MYO1E: variants seen among roughly 807,000 people sequenced by gnomAD.
MYO1E encodes myosin IE, also known as unconventional myosin-Ie.
MYO1E carries 68 observed loss-of-function variants against 151.1 expected under a neutral mutation model. That is an observed-to-expected ratio of 0.45 (90% CI 0.37 to 0.55). MYO1E has a LOEUF of 0.55. Among genes scored for constraint, MYO1E ranks in the 20% least tolerant of loss-of-function variants. The pLI, the probability that MYO1E is intolerant of heterozygous loss-of-function variation, is 0.00. For synonymous variants in MYO1E, 601 were observed against 501.7 expected, an observed-to-expected ratio of 1.20 and a Z score of -2.64; for missense variants, 1,363 against 1,389.3, an observed-to-expected ratio of 0.98 and a Z score of 0.30.
chr15:59,270,278 G>A (rs537220408), intron 2 of MYO1E, among the ~76,000 whole-genome samples: 9 of 152,168 alleles, frequency 5.9e-5, no homozygotes, highest in African/African-American at 1.9e-4. Flanking sequence ...ATTGCCAGGC[G>A]CAGTGGCTCA....
intron 26 of MYO1E, among the ~76,000 whole-genome samples, chr15:59,141,020 T>C (rs1235347166): frequency 2.6e-5 from 4 of 152,206 alleles, no homozygotes; most frequent in Non-Finnish European, 5.9e-5. Context: ...TCTCTGAAAG[T>C]TGGCCAGGCG....
At position 59,224,818 on chromosome 15, in the gene MYO1E, G is replaced by A. The variant is rs76374896; in HGVS notation, c.648C>T (p.Ile216=). The A allele has an allele frequency of 1.1e-4, 181 of 1,614,178 alleles. No individual in the cohort carries two copies. In the East Asian group the frequency reaches 3.9e-3, roughly 35 times the overall value. The change falls in exon 8 of 28, where the codon ATC becomes ATT. Residue 216 remains isoleucine (I), a synonymous_variant. Coordinates refer to ENST00000288235, the MANE Select transcript of MYO1E (RefSeq NM_004998.4). ...GTTTCTGCTCTGCAGAGGCGCCCTC[G>A]ATGAGCTGGAGCAAGAGAACACAGG... ...ERSFHIFYQL[I]EGASAEQKHS...
intron 4 of MYO1E, among the ~76,000 whole-genome samples, chr15:59,238,608 G>C (rs1177996085): frequency 2.6e-5 from 4 of 152,124 alleles, no homozygotes; most frequent in Non-Finnish European, 5.9e-5. Flanking sequence ...GTCTCACTTT[G>C]TCACCCAGGC....
Position 59,342,970 on chromosome 15 carries a change from A to G in MYO1E, c.3+29528T>C, listed in dbSNP as rs374762586. On this transcript the variant is annotated intron_variant, in intron 1 of 27. Coordinates refer to ENST00000288235, the MANE Select transcript of MYO1E (RefSeq NM_004998.4). ...TTCTATTTATCTTACTGTACTGTCTATGCCTTGAAAAGTTATTATTTTTTA... is the reference window on the plus strand; with the variant it reads ...TTCTATTTATCTTACTGTACTGTCTGTGCCTTGAAAAGTTATTATTTTTTA... 9.2e-5 allele frequency among the ~76,000 whole-genome samples: 14 copies of G among 152,250 alleles called. No homozygotes were observed. In the East Asian group the frequency reaches 1.5e-3, roughly 17 times the overall value.
At chr15:59,362,904 T>C (rs1415124943) in intron 1 of MYO1E, among the ~76,000 whole-genome samples, 1 of 152,232 alleles carries the variant, frequency 6.6e-6, no homozygotes, top group Non-Finnish European at 1.5e-5. Flanking sequence ...AAATCTCTGT[T>C]GTTCTCACAT....
rs1230023763 is a variant in MYO1E at position 59,332,965 on chromosome 15, A to C, written c.3+39533T>G. On this transcript the variant is annotated intron_variant, in intron 1 of 27. Coordinates refer to ENST00000288235, the MANE Select transcript of MYO1E (RefSeq NM_004998.4). ...GTGTAGACAAACCTAACAGCTCTCC[A>C]TCTTAAAAAAGGAGTGAGGAATTGA... Among the ~76,000 whole-genome samples, 31 of 152,146 alleles carry C rather than the reference A, an allele frequency of 2.0e-4. 1 individual carries two copies. The highest frequency in any genetic ancestry group is 7.5e-4 in the African/African-American group (31 of 41,432).
At chr15:59,196,221 G>A (rs1596360361) in intron 16 of MYO1E, among the ~76,000 whole-genome samples, 1 of 152,086 alleles carries the variant, frequency 6.6e-6, no homozygotes, top group Non-Finnish European at 1.5e-5. Context: ...TTACTTCTTT[G>A]CAAATCTAGA....
chr15:59,236,225 C>T (rs751182495), intron 5 of MYO1E, among the ~76,000 whole-genome samples: 12 of 151,902 alleles, frequency 7.9e-5, no homozygotes, highest in Non-Finnish European at 1.5e-4. Context: ...CACCTGTAAT[C>T]CCAGCTACTC....
intron 12 of MYO1E, among the ~76,000 whole-genome samples, chr15:59,212,939 T>G (rs1475820790): frequency 6.8e-6 from 1 of 147,936 alleles, no homozygotes; most frequent in African/African-American, 2.6e-5. Context: ...AGAGGAAGGA[T>G]TCTCCCCTCT....
At chr15:59,359,313 AAT>A (rs200714503) in intron 1 of MYO1E, among the ~76,000 whole-genome samples, 9 of 137,248 alleles carry the variant, frequency 6.6e-5, no homozygotes, top group South Asian at 2.2e-4. Flanking sequence ...ATATATATAT[AAT>A]ATATATATAT....
chr15:59,174,576 G>C (rs1016861712), intron 19 of MYO1E, among the ~76,000 whole-genome samples: 5 of 152,134 alleles, frequency 3.3e-5, no homozygotes, highest in Admixed American at 6.6e-5. Flanking sequence ...TTGATCCAAA[G>C]AGTGTATTAT....
chr15:59,223,539 G>C (rs573210664), intron 8 of MYO1E, among the ~76,000 whole-genome samples: 4 of 152,252 alleles, frequency 2.6e-5, no homozygotes, highest in African/African-American at 7.2e-5. Context: ...TCGGAAGAGT[G>C]GTAGTTGTAC....
intron 16 of MYO1E, among the ~76,000 whole-genome samples, chr15:59,196,347 T>C (rs1274116842): frequency 6.6e-6 from 1 of 152,172 alleles, no homozygotes; most frequent in Non-Finnish European, 1.5e-5. Context: ...TTTTAAACCC[T>C]GAGAATCTCA....
chr15:59,341,988 G>C (rs940807538), intron 1 of MYO1E, among the ~76,000 whole-genome samples: 2 of 152,128 alleles, frequency 1.3e-5, no homozygotes, highest in East Asian at 1.9e-4. Context: ...TTCCACCAAC[G>C]GTGTATGAGA....
chr15:59,236,448 C>A, intron 5 of MYO1E, 137 bp downstream of exon 5: 1 of 605,954 alleles, frequency 1.7e-6, no homozygotes, highest in Non-Finnish European at 3.0e-6. Context: ...TATTCCTTTC[C>A]ATTCCAGATT....
intron 26 of MYO1E, among the ~76,000 whole-genome samples, chr15:59,140,565 C>T (rs79802300): frequency 0.025 from 3,841 of 152,308 alleles, 93 homozygotes; most frequent in African/African-American, 0.053. Flanking sequence ...ACATCATTCA[C>T]ACCTACAGGA....
chr15:59,323,449 G>A (rs150584357), intron 1 of MYO1E, among the ~76,000 whole-genome samples: 43 of 151,744 alleles, frequency 2.8e-4, no homozygotes, highest in Middle Eastern at 3.4e-3. Context: ...TCAGGAGATC[G>A]AGACCATCCT....
intron 1 of MYO1E, among the ~76,000 whole-genome samples, chr15:59,287,274 G>A (rs977205691): frequency 3.3e-5 from 5 of 152,148 alleles, no homozygotes; most frequent in South Asian, 2.1e-4. Context: ...CACCCAAATC[G>A]CAAGCCCAGT....
rs772866994 is a variant in MYO1E at position 59,261,437 on chromosome 15, C to T, written c.220G>A (p.Glu74Lys). 1.9e-6 allele frequency: 3 copies of T among 1,609,028 alleles called. No individual in the cohort carries two copies. Among genetic ancestry groups the T allele is most frequent in the South Asian group, 1.1e-5 (1 of 90,956 alleles). ...TAACTTACCGCTCCTTGGTACATTT[C>T]AATTTCCTTTTCCCCAAAATATGGC... ...QMPYFGEKEI[E>K]MYQGAAQYEN... Residue 74 changes from glutamate to lysine, a missense_variant, in exon 3 of 28, where the codon GAA becomes AAA. By Grantham distance (56) the Glu-to-Lys change is moderately conservative. Coordinates refer to ENST00000288235, the MANE Select transcript of MYO1E (RefSeq NM_004998.4).
Sources: gnomAD v4.1 joint callset for allele counts (sites outside exome capture counted in the v4.1 genomes callset) on GRCh38, gnomAD v4.1.1 for gene constraint, MANE v1.5 for transcripts, NCBI Gene and HGNC (gene_info 2026-07-23, HGNC 2026-07-21) for gene names.